Variants in SLC12A7 observed in about 807,000 individuals in gnomAD.
SLC12A7 encodes K-Cl cotransporter 4.
Under a neutral mutation model 120.6 loss-of-function variants are expected in SLC12A7, and 100 were observed. That is an observed-to-expected ratio of 0.83 (90% confidence interval 0.71 to 0.98). The LOEUF (loss-of-function observed/expected upper bound fraction) is 0.98, where lower values mean the gene tolerates loss of function less well. Ranked by LOEUF, SLC12A7 falls within the 50% of genes least tolerant of loss-of-function variation. SLC12A7 has a pLI of 0.00. For missense variants in SLC12A7, 1,373 were observed against 1,548.1 expected, an observed-to-expected ratio of 0.89 and a Z score of 1.90; for synonymous variants, 760 against 678.0, an observed-to-expected ratio of 1.12 and a Z score of -1.88.
the SLC12A7 span, among the ~76,000 whole-genome samples, chr5:1,120,093 G>A: frequency 2.0e-5 from 3 of 152,262 alleles, no homozygotes; most frequent in South Asian, 6.2e-4. Context: ...CTGGGGCTGA[G>A]GGGACCCTCC....
chr5:1,057,460 C>T lies in SLC12A7; in HGVS notation c.3026+11G>A, dbSNP rs377731507. The T allele has an allele frequency of 1.6e-4, 249 of 1,603,952 alleles. No individual in the cohort carries two copies. In the African/African-American group the frequency reaches 2.8e-3, roughly 18 times the overall value. On this transcript the variant is annotated intron_variant, in intron 22 of 23. Transcript: ENST00000264930. Reference sequence around the variant, plus strand: ...ATCTGTTCCCCCCAGGCCACACGCACGGACACTCACGGCTTCATGCTGAAG... The same window carrying T: ...ATCTGTTCCCCCCAGGCCACACGCATGGACACTCACGGCTTCATGCTGAAG...
At chr5:1,091,081 CT>C (rs1740447488) in intron 3 of SLC12A7, among the ~76,000 whole-genome samples, 1 of 152,168 alleles carries the variant, frequency 6.6e-6, no homozygotes, top group Non-Finnish European at 1.5e-5. Context: ...GTCACGGGCC[CT>C]GGTCCCTCCA....
At chr5:1,135,784 C>A in the SLC12A7 span, among the ~76,000 whole-genome samples, 1 of 152,184 alleles carries the variant, frequency 6.6e-6, no homozygotes, top group Non-Finnish European at 1.5e-5. Flanking sequence ...AGGAACACAC[C>A]AGGTCTCTTG....
At chr5:1,090,051 G>T (rs1360327826) in intron 3 of SLC12A7, among the ~76,000 whole-genome samples, 1 of 152,274 alleles carries the variant, frequency 6.6e-6, no homozygotes, top group South Asian at 2.1e-4. Context: ...CCTGTGAACA[G>T]TGGCCACAAT....
chr5:1,097,142 T>C (rs2150889406), intron 1 of SLC12A7, among the ~76,000 whole-genome samples: 1 of 152,288 alleles, frequency 6.6e-6, no homozygotes, highest in South Asian at 2.1e-4. Context: ...AAGCACAGGT[T>C]TACTGGTGGT....
At chr5:1,143,266 C>T in the SLC12A7 span, among the ~76,000 whole-genome samples, 1 of 152,262 alleles carries the variant, frequency 6.6e-6, no homozygotes, top group African/African-American at 2.4e-5. Flanking sequence ...CCGGCCTCAT[C>T]AGCTCCAGCA....
In SLC12A7 at chr5:1,088,489, T is replaced by C. The variant is rs76378320; in HGVS notation, c.490-129A>G. ...GCCCCCAACTCCAGGGCTCTCCATC[T>C]CAATGGAGTGGCTAGGAAACAGGAC... On this transcript the variant is annotated intron_variant, in intron 4 of 23. Transcript: ENST00000264930. 1.9e-3 allele frequency: 1,813 copies of C among 979,268 alleles called. 24 individuals carry two copies. The highest frequency in any genetic ancestry group is 0.013 in the African/African-American group (794 of 62,122). The allele number at this position is 979,268 out of a possible 1,614,324, so 60.7% of individuals were successfully genotyped here.
the SLC12A7 span, among the ~76,000 whole-genome samples, chr5:1,122,840 A>C: frequency 6.6e-6 from 1 of 152,230 alleles, no homozygotes; most frequent in Non-Finnish European, 1.5e-5. Context: ...GAGGGTTGCT[A>C]TTCCCCCTAT....
chr5:1,153,219 T>C, the SLC12A7 span, among the ~76,000 whole-genome samples: 66,691 of 128,700 alleles, frequency 0.52, 16,056 homozygotes, highest in African/African-American at 0.68. Context: ...GCTTGCCCAG[T>C]CCCTGGGCGG....
chr5:1,087,806 T>G (rs1006498876), intron 5 of SLC12A7, among the ~76,000 whole-genome samples: 2 of 152,178 alleles, frequency 1.3e-5, no homozygotes, highest in African/African-American at 4.8e-5. Context: ...TTATTACTAA[T>G]TAACAGTATC....
At chr5:1,112,693 G>A (rs1190067991), upstream of SLC12A7, among the ~76,000 whole-genome samples, 2 of 84,728 alleles carry the variant, frequency 2.4e-5, no homozygotes, top group African/African-American at 5.0e-5. Flanking sequence ...CACACAGTCC[G>A]CCCACCCACT....
intron 21 of SLC12A7, among the ~76,000 whole-genome samples, chr5:1,059,640 C>T (rs1275334299): frequency 6.6e-6 from 1 of 152,080 alleles, no homozygotes; most frequent in Non-Finnish European, 1.5e-5. Flanking sequence ...GGGCCCAGGC[C>T]AGTATAACTC....
At chr5:1,099,156 G>A (rs1741714746) in intron 1 of SLC12A7, among the ~76,000 whole-genome samples, 1 of 152,170 alleles carries the variant, frequency 6.6e-6, no homozygotes, top group South Asian at 2.1e-4. Flanking sequence ...TGAAGCGGGG[G>A]CGAGGGATGG....
the SLC12A7 span, among the ~76,000 whole-genome samples, chr5:1,144,625 T>C: frequency 5.9e-5 from 9 of 152,156 alleles, no homozygotes; most frequent in African/African-American, 2.2e-4. Context: ...AAATGACCCC[T>C]CAAACCAGCG....
At chr5:1,142,743 C>T in the SLC12A7 span, among the ~76,000 whole-genome samples, 2 of 149,920 alleles carry the variant, frequency 1.3e-5, no homozygotes, top group East Asian at 4.1e-4. Flanking sequence ...GCAGGAGGTG[C>T]TCACGGCCCT....
chr5:1,142,682 G>A, the SLC12A7 span, among the ~76,000 whole-genome samples: 1 of 146,124 alleles, frequency 6.8e-6, no homozygotes, highest in Admixed American at 6.8e-5. Context: ...CTGTCTCTGT[G>A]TCTCTCTCTG....
chr5:1,058,210 A>G (rs980326158), intron 21 of SLC12A7, among the ~76,000 whole-genome samples: 1 of 152,246 alleles, frequency 6.6e-6, no homozygotes, highest in African/African-American at 2.4e-5. Flanking sequence ...CAATCCGAGG[A>G]AAATGAAAAC....
chr5:1,133,602 G>A, the SLC12A7 span, among the ~76,000 whole-genome samples: 20 of 152,244 alleles, frequency 1.3e-4, no homozygotes, highest in African/African-American at 4.8e-4. Context: ...CGCTGTGGCT[G>A]CTGCTGACGC....
chr5:1,117,095 G>A, the SLC12A7 span, among the ~76,000 whole-genome samples: 2 of 152,140 alleles, frequency 1.3e-5, no homozygotes, highest in African/African-American at 2.4e-5. The surrounding 1 kb of genome is among the most constrained non-coding windows in gnomAD (Gnocchi z 4.5). Context: ...TCTCAGAGCC[G>A]CGGAGGGTCC....
Sources: allele counts gnomAD v4.1 joint callset (sites outside exome capture counted in the v4.1 genomes callset), GRCh38; gene constraint gnomAD v4.1.1; non-coding constraint Gnocchi (gnomAD v3.1); transcripts MANE v1.5; gene names NCBI Gene and HGNC (gene_info 2026-07-23, HGNC 2026-07-21).